Variants in CGNL1 observed in about 807,000 individuals in gnomAD.
The protein encoded by CGNL1 is cingulin like 1, also known as cingulin-like protein 1.
A neutral mutation model predicts 141.2 loss-of-function variants in CGNL1; 132 were observed. That is an observed-to-expected ratio of 0.93 (90% CI 0.81 to 1.08). The LOEUF is 1.08. Among genes scored for constraint, CGNL1 ranks in the 50% least tolerant of loss-of-function variants. The pLI is 0.00. For synonymous variants in CGNL1, 690 were observed against 622.1 expected, an observed-to-expected ratio of 1.11 and a Z score of -1.63; for missense variants, 1,870 against 1,588.6, an observed-to-expected ratio of 1.18 and a Z score of -3.01.
intron 8 of CGNL1, among the ~76,000 whole-genome samples, chr15:57,466,152 A>G (rs2063509228): frequency 2.0e-5 from 3 of 152,226 alleles, no homozygotes; most frequent in African/African-American, 7.2e-5. Context: ...GAGTATATCT[A>G]CCAAACATTC....
chr15:57,477,468 C>T (rs2063671465), intron 8 of CGNL1: 1 of 152,130 alleles, frequency 6.6e-6, no homozygotes, highest in Non-Finnish European at 1.5e-5. Flanking sequence ...GTGAGGTTGT[C>T]CGATAGAGTC....
At chr15:57,504,085 G>A (rs1240843586) in intron 8 of CGNL1, among the ~76,000 whole-genome samples, 4 of 152,116 alleles carry the variant, frequency 2.6e-5, no homozygotes, top group Non-Finnish European at 4.4e-5. Context: ...CAGAGCCTCC[G>A]GGTTCACTGC....
chr15:57,446,999 T>G (rs1235437477), intron 4 of CGNL1, among the ~76,000 whole-genome samples: 1 of 152,162 alleles, frequency 6.6e-6, no homozygotes, highest in Non-Finnish European at 1.5e-5. Flanking sequence ...CTATTCTAGG[T>G]CTTTTGCCTT....
intron 1 of CGNL1, among the ~76,000 whole-genome samples, chr15:57,382,345 G>A (rs759421881): frequency 1.4e-4 from 21 of 152,172 alleles, no homozygotes; most frequent in Admixed American, 1.2e-3. Flanking sequence ...GCGGAGGGTC[G>A]TCATGGAGTT....
At chr15:57,502,078 GT>G (rs1826235144) in intron 8 of CGNL1, among the ~76,000 whole-genome samples, 1 of 152,202 alleles carries the variant, frequency 6.6e-6, no homozygotes, top group African/African-American at 2.4e-5. Flanking sequence ...AGGGAGCGTT[GT>G]TTTGATTTTG....
At chr15:57,454,634 T>C (rs184906905) in intron 7 of CGNL1, among the ~76,000 whole-genome samples, 2 of 152,322 alleles carry the variant, frequency 1.3e-5, no homozygotes, top group Admixed American at 6.5e-5. Context: ...ATTTTTCACA[T>C]TGGCAGAGGA....
chr15:57,392,752 C>T (rs1352617547), intron 1 of CGNL1, among the ~76,000 whole-genome samples: 5 of 152,176 alleles, frequency 3.3e-5, no homozygotes, highest in African/African-American at 4.8e-5. Flanking sequence ...ACCACCATCT[C>T]ATGTTAACTG....
chr15:57,494,745 C>A (rs2063913123), intron 8 of CGNL1, among the ~76,000 whole-genome samples: 1 of 152,222 alleles, frequency 6.6e-6, no homozygotes, highest in African/African-American at 2.4e-5. Flanking sequence ...TAGCCACTTG[C>A]AATGGTGCAC....
chr15:57,409,935 C>A (rs562103326), intron 1 of CGNL1, among the ~76,000 whole-genome samples: 2 of 152,194 alleles, frequency 1.3e-5, no homozygotes, highest in African/African-American at 4.8e-5. Flanking sequence ...TCTGATGCCT[C>A]GTGTGAGGAT....
At chr15:57,517,316 G>A (rs1254676533) in intron 9 of CGNL1, among the ~76,000 whole-genome samples, 2 of 152,156 alleles carry the variant, frequency 1.3e-5, no homozygotes, top group African/African-American at 2.4e-5. Flanking sequence ...CCATTAGACC[G>A]ATTCTCACTC....
At chr15:57,388,633 G>A (rs1249189653) in intron 1 of CGNL1, among the ~76,000 whole-genome samples, 2 of 152,260 alleles carry the variant, frequency 1.3e-5, no homozygotes, top group African/African-American at 4.8e-5. Context: ...TGTTATCAGA[G>A]CTAATTTGCC....
At chr15:57,517,748 G>T (rs1305546653) in intron 9 of CGNL1, among the ~76,000 whole-genome samples, 1 of 152,330 alleles carries the variant, frequency 6.6e-6, no homozygotes, top group Admixed American at 6.5e-5. Context: ...ACCTACTCCT[G>T]TGATGACAGT....
At chr15:57,434,004 T>A (rs1433398455) in intron 1 of CGNL1, among the ~76,000 whole-genome samples, 1 of 152,244 alleles carries the variant, frequency 6.6e-6, no homozygotes, top group East Asian at 1.9e-4. Context: ...TCTGCTTTGG[T>A]CCTTCATTCT....
chr15:57,496,989 G>C (rs1192304875), intron 8 of CGNL1, among the ~76,000 whole-genome samples: 4 of 152,178 alleles, frequency 2.6e-5, no homozygotes, highest in African/African-American at 9.7e-5. Flanking sequence ...GATGGCAGTT[G>C]CATCCACGTT....
At chr15:57,431,505 C>T (rs2152296498) in intron 1 of CGNL1, among the ~76,000 whole-genome samples, 1 of 152,318 alleles carries the variant, frequency 6.6e-6, no homozygotes, top group Non-Finnish European at 1.5e-5. Context: ...TTTCCACACC[C>T]TGATCTTTCA....
At chr15:57,433,417 C>CA (rs1218325682) in intron 1 of CGNL1, among the ~76,000 whole-genome samples, 1 of 152,146 alleles carries the variant, frequency 6.6e-6, no homozygotes, top group Non-Finnish European at 1.5e-5. Context: ...CTGCAAGAGG[C>CA]AAAAAATGGC....
chr15:57,526,545 G>C (rs1191940176), intron 12 of CGNL1, among the ~76,000 whole-genome samples: 1 of 152,016 alleles, frequency 6.6e-6, no homozygotes, highest in Non-Finnish European at 1.5e-5. Context: ...CCTTTGCTTT[G>C]AGAGAAATAG....
rs59213732 is a variant in CGNL1 at position 57,383,292 on chromosome 15, C to CTTTTTTTTTTTTTT, written c.-16+6738_-16+6739insTTTTTTTTTTTTTT. Among the ~76,000 whole-genome samples, 956 of 109,174 alleles carry CTTTTTTTTTTTTTT rather than the reference C, an allele frequency of 8.8e-3. 36 individuals carry two copies. The highest frequency in any genetic ancestry group is 0.035 in the East Asian group (103 of 2,914). The allele number at this position is 109,174 out of a possible 152,430, so 71.6% of individuals were successfully genotyped here. On this transcript the variant is annotated intron_variant, in intron 1 of 18. Transcript: ENST00000281282. Reference sequence around the variant, plus strand: ...TAACAAACTTAAGATTTCTTTCTTCCTTTTTTTTTTTTTGTTTTTTTGATA... The same window carrying CTTTTTTTTTTTTTT: ...TAACAAACTTAAGATTTCTTTCTTCCTTTTTTTTTTTTTTTTTTTTTTTTTTTGTTTTTTTGATA...
Position 57,465,842 on chromosome 15 carries a change from A to G in CGNL1, c.2403+3950A>G, listed in dbSNP as rs1311868613. On this transcript the variant is annotated intron_variant, in intron 8 of 18. Transcript: ENST00000281282. ...AGCACTTTATCCTAGCTTGAGCACT[A>G]AAGGTTTTACGTTACTAGAACATTT... Among the ~76,000 whole-genome samples, 6 of 152,308 alleles carry G rather than the reference A, an allele frequency of 3.9e-5. No homozygotes were observed. The East Asian group carries it at 9.6e-4, about 24-fold the overall frequency.
Sources: gnomAD v4.1 joint callset for allele counts (sites outside exome capture counted in the v4.1 genomes callset) on GRCh38, gnomAD v4.1.1 for gene constraint, MANE v1.5 for transcripts, NCBI Gene and HGNC (gene_info 2026-07-23, HGNC 2026-07-21) for gene names.